The following TENM4 variants were observed in gnomAD, a reference collection of about 807,000 sequenced individuals.
The protein encoded by TENM4 is teneurin transmembrane protein 4.
TENM4 carries 82 observed loss-of-function variants against 243.3 expected under a neutral mutation model. That is an observed-to-expected ratio of 0.34 (90% CI 0.28 to 0.40). The LOEUF (loss-of-function observed/expected upper bound fraction) is 0.40. TENM4 is among the 10% of genes least tolerant of loss of function. The probability of loss-of-function intolerance (pLI) is 1.00; values close to 1 mark genes in which losing one functional copy is unlikely to be tolerated. For synonymous variants in TENM4, 1,412 were observed against 1,456.3 expected, an observed-to-expected ratio of 0.97 and a Z score of 0.69; for missense variants, 3,138 against 3,673.3, an observed-to-expected ratio of 0.85 and a Z score of 3.77.
At chr11:78,983,444 G>C (rs564140704) in intron 6 of TENM4, among the ~76,000 whole-genome samples, 1 of 152,238 alleles carries the variant, frequency 6.6e-6, no homozygotes, top group Non-Finnish European at 1.5e-5. Flanking sequence ...CTGTGCCCTA[G>C]TCTGTGCTTT....
rs200320726 is a variant in TENM4, at chr11:78,891,346, C to T, written c.750-10G>A. The T allele has an allele frequency of 1.3e-5, 20 of 1,549,960 alleles. No homozygotes were observed. The highest frequency in any genetic ancestry group is 3.9e-5 in the Admixed American group (2 of 50,962). On this transcript the variant is annotated splice_polypyrimidine_tract_variant and intron_variant, in intron 7 of 33. Transcript: ENST00000278550. ...CTGCTTGCCTAGGTTTCTACGCACA[C>T]ATGGAGACATGAATGAAGCAATGAG...
At chr11:78,758,320 GAATTA>G in intron 18 of TENM4, among the ~76,000 whole-genome samples, 1 of 152,336 alleles carries the variant, frequency 6.6e-6, no homozygotes, top group African/African-American at 2.4e-5. Flanking sequence ...GGAATTGAAT[GAATTA>G]AATAGTGAAG....
intron 2 of TENM4, among the ~76,000 whole-genome samples, chr11:79,268,421 G>A (rs1590839475): frequency 6.6e-6 from 1 of 152,174 alleles, no homozygotes; most frequent in Admixed American, 6.5e-5. Context: ...TCTGACACTG[G>A]ACAAGTCACT....
chr11:78,770,672 G>A (rs75905914), intron 18 of TENM4, among the ~76,000 whole-genome samples: 1,536 of 152,294 alleles, frequency 0.01, 28 homozygotes, highest in African/African-American at 0.034. Flanking sequence ...TCCAGTGAGG[G>A]GGACCCATAA....
chr11:79,135,681 T>C (rs1442378167), intron 4 of TENM4, among the ~76,000 whole-genome samples: 1 of 137,810 alleles, frequency 7.3e-6, no homozygotes, highest in Non-Finnish European at 1.5e-5. Flanking sequence ...TGATATATCA[T>C]ATATGTATGA....
intron 1 of TENM4, among the ~76,000 whole-genome samples, chr11:79,411,204 G>A (rs1051898496): frequency 3.9e-5 from 6 of 152,300 alleles, no homozygotes; most frequent in Admixed American, 3.9e-4. Context: ...CCCAGGCCAT[G>A]GTATTTTCAT....
chr11:79,232,107 A>G (rs985633726), intron 2 of TENM4, among the ~76,000 whole-genome samples: 1 of 152,186 alleles, frequency 6.6e-6, no homozygotes, highest in South Asian at 2.1e-4. Flanking sequence ...CAAACAAAAC[A>G]AAACAAAACA....
chr11:79,256,008 T>C (rs1055982167), intron 2 of TENM4, among the ~76,000 whole-genome samples: 2 of 152,216 alleles, frequency 1.3e-5, no homozygotes, highest in African/African-American at 4.8e-5. Context: ...AATGGAATTC[T>C]TTTCCCTTTG....
intron 3 of TENM4, among the ~76,000 whole-genome samples, chr11:79,190,230 G>C (rs1371572126): frequency 6.6e-6 from 1 of 152,150 alleles, no homozygotes; most frequent in Non-Finnish European, 1.5e-5. Context: ...ACAAACTCCC[G>C]TGGCTGCCTC....
At position 79,219,689 on chromosome 11, in the gene TENM4, C is replaced by T. The variant is rs531992573; in HGVS notation, c.-264-3780G>A. On this transcript the variant is annotated intron_variant, in intron 2 of 33. Transcript: ENST00000278550. ...CTCTCTAGGCAAGTCATAAAGCAAG[C>T]TGTAACCCTGTGCATGACACCATGT... 3.3e-5 allele frequency among the ~76,000 whole-genome samples: 5 copies of T among 152,318 alleles called. No individual in the cohort carries two copies. In the East Asian group the frequency reaches 7.7e-4, roughly 24 times the overall value.
At chr11:78,751,619 T>C (rs1856193028) in intron 19 of TENM4, among the ~76,000 whole-genome samples, 1 of 152,158 alleles carries the variant, frequency 6.6e-6, no homozygotes, top group Non-Finnish European at 1.5e-5. Flanking sequence ...TCCTGTAACT[T>C]GCTAACCTGT....
At chr11:78,893,057 T>A (rs1175070797) in intron 7 of TENM4, among the ~76,000 whole-genome samples, 2 of 152,206 alleles carry the variant, frequency 1.3e-5, no homozygotes, top group Non-Finnish European at 2.9e-5. Flanking sequence ...CAGTGCTGAG[T>A]ATGCAGTGGT....
intron 6 of TENM4, among the ~76,000 whole-genome samples, chr11:78,971,598 G>A (rs1857548621): frequency 1.3e-5 from 2 of 152,162 alleles, no homozygotes; most frequent in Middle Eastern, 6.8e-3. Context: ...ACTGCACCTG[G>A]CCCCTTAAAT....
At chr11:78,687,316 G>A (rs1565332135) in intron 29 of TENM4, among the ~76,000 whole-genome samples, 1 of 152,124 alleles carries the variant, frequency 6.6e-6, no homozygotes, top group Non-Finnish European at 1.5e-5. Context: ...ACTAGAACTT[G>A]GGCTTCTGAC....
At chr11:79,154,149 A>AG (rs368377134) in intron 3 of TENM4, among the ~76,000 whole-genome samples, 3 of 151,196 alleles carry the variant, frequency 2.0e-5, no homozygotes, top group Admixed American at 1.3e-4. Flanking sequence ...TTAAAAAAAA[A>AG]GAGGTTTAAT....
At chr11:79,301,064 C>T (rs191956528) in intron 1 of TENM4, among the ~76,000 whole-genome samples, 170 of 152,320 alleles carry the variant, frequency 1.1e-3, no homozygotes, top group Admixed American at 3.6e-3. Context: ...ACACCATCAT[C>T]CCTCTGGGGG....
intron 2 of TENM4, among the ~76,000 whole-genome samples, chr11:79,251,707 T>C (rs74465545): frequency 0.041 from 6,231 of 152,144 alleles, 430 homozygotes; most frequent in African/African-American, 0.14. Flanking sequence ...AGATTATACA[T>C]GTATTTAAAT....
chr11:79,375,449 T>C (rs966307936), intron 1 of TENM4, among the ~76,000 whole-genome samples: 2 of 152,206 alleles, frequency 1.3e-5, no homozygotes, highest in Non-Finnish European at 2.9e-5. Flanking sequence ...TTATCCTTTT[T>C]CCATTCAGTA....
chr11:79,347,335 C>G (rs1046867171), intron 1 of TENM4, among the ~76,000 whole-genome samples: 6 of 152,178 alleles, frequency 3.9e-5, no homozygotes, highest in Admixed American at 6.5e-5. Flanking sequence ...TATACCAAAC[C>G]CTCATGGCTT....
Sources: allele counts gnomAD v4.1 joint callset (sites outside exome capture counted in the v4.1 genomes callset), GRCh38; gene constraint gnomAD v4.1.1; transcripts MANE v1.5; gene names NCBI Gene and HGNC (gene_info 2026-07-23, HGNC 2026-07-21).